Variants in MSH4 observed in about 807,000 individuals in gnomAD.
MSH4 encodes mutS homolog 4, also known as mutS protein homolog 4.
MSH4 carries 106 observed loss-of-function variants against 113.7 expected under a neutral mutation model. That is an observed-to-expected ratio of 0.93 (90% confidence interval 0.80 to 1.10). MSH4 has a LOEUF of 1.10. MSH4 is among the 50% of genes least tolerant of loss of function. The probability of loss-of-function intolerance (pLI) is 0.00; values close to 1 mark genes in which losing one functional copy is unlikely to be tolerated. For missense variants in MSH4, 1,061 were observed against 1,093.7 expected (o/e 0.97, Z 0.42); for synonymous variants, 368 against 380.2 (o/e 0.97, Z 0.37).
intron 9 of MSH4, among the ~76,000 whole-genome samples, 159 bp from the exon 10 acceptor site, chr1:75,876,777 T>C (rs1024912623): frequency 9.2e-5 from 14 of 152,036 alleles, no homozygotes; most frequent in African/African-American, 3.4e-4. Flanking sequence ...ATACAGTCTA[T>C]CCTCAGCTAG....
chr1:75,797,725 A>G (rs1649848700), intron 1 of MSH4, among the ~76,000 whole-genome samples: 1 of 152,170 alleles, frequency 6.6e-6, no homozygotes, highest in Non-Finnish European at 1.5e-5. Context: ...TGAGGCCGGG[A>G]GTTCCACACC....
chr1:75,869,549 C>A (rs1651666085), intron 9 of MSH4, among the ~76,000 whole-genome samples: 1 of 152,140 alleles, frequency 6.6e-6, no homozygotes, highest in Non-Finnish European at 1.5e-5. Flanking sequence ...TCTGGCCCCG[C>A]TTGCTCTGTG....
At position 75,844,496 on chromosome 1, in the gene MSH4, G is replaced by A. The variant is rs1015286851; in HGVS notation, c.1163-3713G>A. On this transcript the variant is annotated intron_variant, in intron 7 of 19. Transcript: ENST00000263187. ...TGGGCACCATCCCACATGGCTGATT[G>A]TTGTATTTTTTGTAGAGACAGGGTC... Among the ~76,000 whole-genome samples, 8 of 151,920 alleles carry A rather than the reference G, an allele frequency of 5.3e-5. No individual in the cohort carries two copies. In the East Asian group the frequency reaches 1.6e-3, roughly 30 times the overall value.
chr1:75,838,909 C>T (rs914012430), intron 7 of MSH4, among the ~76,000 whole-genome samples: 7 of 152,152 alleles, frequency 4.6e-5, no homozygotes, highest in Non-Finnish European at 8.8e-5. Flanking sequence ...ATACATGTTT[C>T]CTGTAGTATC....
chr1:75,875,840 T>TA (rs1029846897), intron 9 of MSH4, among the ~76,000 whole-genome samples: 1 of 145,074 alleles, frequency 6.9e-6, no homozygotes, highest in African/African-American at 2.4e-5. Context: ...AAATAAGTGT[T>TA]AAAAAATGAT....
intron 2 of MSH4, among the ~76,000 whole-genome samples, chr1:75,804,837 T>C (rs1455750691): frequency 6.7e-6 from 1 of 150,346 alleles, no homozygotes; most frequent in East Asian, 2.0e-4. Context: ...ATTTTTATTT[T>C]TATTTGTTTG....
chr1:75,864,823 T>A (rs886069996), intron 8 of MSH4, among the ~76,000 whole-genome samples: 1 of 152,200 alleles, frequency 6.6e-6, no homozygotes, highest in African/African-American at 2.4e-5. Context: ...GTTGGTATGC[T>A]ACCCACATTG....
At chr1:75,827,427 A>G (rs1253464311) in intron 7 of MSH4, among the ~76,000 whole-genome samples, 1 of 152,172 alleles carries the variant, frequency 6.6e-6, no homozygotes, top group African/African-American at 2.4e-5. Context: ...AAACTGCATC[A>G]ACTAATGTGC....
At chr1:75,821,505 C>T (rs1351994594) in intron 6 of MSH4, among the ~76,000 whole-genome samples, 1 of 151,992 alleles carries the variant, frequency 6.6e-6, no homozygotes, top group Non-Finnish European at 1.5e-5. Flanking sequence ...ACTAGAGAAG[C>T]AAGAGCAAAC....
chr1:75,897,480 A>G (rs113961554), intron 17 of MSH4, among the ~76,000 whole-genome samples: 2 of 152,230 alleles, frequency 1.3e-5, no homozygotes, highest in African/African-American at 4.8e-5. Context: ...CCTACTTACA[A>G]CTAGGGAGGC....
chr1:75,821,083 C>G (rs1650398155), intron 6 of MSH4, among the ~76,000 whole-genome samples: 1 of 151,208 alleles, frequency 6.6e-6, no homozygotes, highest in African/African-American at 2.4e-5. Context: ...ACTCTCCACC[C>G]CAAATCAACA....
chr1:75,805,513 G>C (rs545065590), intron 2 of MSH4, among the ~76,000 whole-genome samples: 5 of 150,368 alleles, frequency 3.3e-5, no homozygotes, highest in African/African-American at 1.2e-4. Flanking sequence ...TCGGCCTCCC[G>C]AGTAGCTGGG....
chr1:75,888,719 A>C (rs1021390792), intron 15 of MSH4, among the ~76,000 whole-genome samples: 5 of 152,174 alleles, frequency 3.3e-5, no homozygotes, highest in African/African-American at 1.2e-4. Flanking sequence ...TAACTGGCAT[A>C]TTATATTCAT....
chr1:75,899,827 TA>T (rs1190582808), intron 19 of MSH4, 121 bp downstream of exon 19: 2 of 303,072 alleles, frequency 6.6e-6, no homozygotes, highest in Non-Finnish European at 1.2e-5. Flanking sequence ...TATTTAAAAT[TA>T]AAACCTAATT....
At chr1:75,879,764 G>A (rs1651891550) in intron 12 of MSH4, among the ~76,000 whole-genome samples, 1 of 152,084 alleles carries the variant, frequency 6.6e-6, no homozygotes, top group African/African-American at 2.4e-5. Flanking sequence ...GTAATAAGAT[G>A]TAGTGTTTTT....
intron 1 of MSH4, among the ~76,000 whole-genome samples, chr1:75,802,950 C>T (rs887106606): frequency 6.6e-6 from 1 of 152,064 alleles, no homozygotes; most frequent in Non-Finnish European, 1.5e-5. Flanking sequence ...CTCTCATCCT[C>T]TTCTTATAAA....
At chr1:75,869,638 G>A (rs116173561) in intron 9 of MSH4, among the ~76,000 whole-genome samples, 2,008 of 152,316 alleles carry the variant, frequency 0.013, 35 homozygotes, top group Middle Eastern at 0.031. Context: ...TCGGGCCATG[G>A]CTTCAGAGGG....
intron 14 of MSH4, 41 bp downstream of exon 14, chr1:75,881,411 A>G: frequency 6.3e-7 from 1 of 1,588,154 alleles, no homozygotes; most frequent in Non-Finnish European, 8.6e-7. Flanking sequence ...GCATAGTTAA[A>G]TTTGTATTCG....
chr1:75,881,012 G>T (rs1226118222), intron 13 of MSH4, among the ~76,000 whole-genome samples: 1 of 151,842 alleles, frequency 6.6e-6, no homozygotes, highest in Non-Finnish European at 1.5e-5. Context: ...AAAATGTTAT[G>T]TTAATACACA....
Sources: allele counts gnomAD v4.1 joint callset (sites outside exome capture counted in the v4.1 genomes callset), GRCh38; gene constraint gnomAD v4.1.1; transcripts MANE v1.5; gene names NCBI Gene and HGNC (gene_info 2026-07-23, HGNC 2026-07-21).